AFF4: variants seen among roughly 807,000 people sequenced by gnomAD.
The protein encoded by AFF4 is ALF transcription elongation factor 4.
In AFF4, 13 loss-of-function variants were observed where a neutral mutation model predicts 124.8. The observed-to-expected ratio is 0.10, with a 90% confidence interval of 0.07 to 0.17. AFF4 has a LOEUF of 0.17. AFF4 is among the 10% of genes least tolerant of loss of function. AFF4 has a pLI of 1.00. For missense variants in AFF4, 1,092 were observed against 1,403.8 expected, an observed-to-expected ratio of 0.78 and a Z score of 3.55; for synonymous variants, 477 against 496.1, an observed-to-expected ratio of 0.96 and a Z score of 0.51.
rs1344287947 is a variant in AFF4 at position 132,937,140 on chromosome 5, C to T, written c.50G>A (p.Arg17Gln). The T allele has an allele frequency of 1.9e-6, 3 of 1,614,024 alleles. No individual in the cohort carries two copies. The highest frequency in any genetic ancestry group is 2.2e-5 in the East Asian group (1 of 44,878). The part of the protein sequence containing the change: ...NVLRMKERER[R>Q]NQEIQQGEDA... ...TTCGCCCTGCTGAATTTCCTGATTC[C>T]GCCTTTCCCGTTCTTTCATACGCAG... Residue 17 changes from arginine (R) to glutamine (Q), a missense_variant, in exon 2 of 21, where the codon CGG (arginine) becomes CAG (glutamine). Arg to Gln is a conservative substitution (Grantham distance 43, BLOSUM62 1). Around this residue, in one of 11 missense-constraint regions of AFF4, gnomAD observed 46 missense variants for 49.0 expected, o/e 0.94. Coordinates refer to ENST00000265343, the MANE Select transcript of AFF4 (RefSeq NM_014423.4).
chr5:132,957,841 T>G (rs1761996723), intron 1 of AFF4, among the ~76,000 whole-genome samples: 1 of 152,170 alleles, frequency 6.6e-6, no homozygotes, highest in Non-Finnish European at 1.5e-5. Context: ...ATCTAGATTC[T>G]GAGAAGTATC....
rs2150119344 is a variant in AFF4, at chr5:132,963,442, C to G, written c.-188G>C. On this transcript the variant is annotated 5_prime_UTR_variant, in exon 1 of 21. Coordinates refer to ENST00000265343, the MANE Select transcript of AFF4 (RefSeq NM_014423.4). ...CCTCGACAAACGAAGGCGGCGTCGG[C>G]GGCGGCGGCAGCGATGCGCCTCACA... 1 of 398,362 alleles carries G rather than the reference C, an allele frequency of 2.5e-6. No homozygotes were observed. The highest frequency in any genetic ancestry group is 4.4e-6 in the Non-Finnish European group (1 of 225,914). The allele number at this position is 398,362 out of a possible 1,614,324, so 24.7% of individuals were successfully genotyped here. A position where few individuals can be genotyped will look rare whatever the true frequency, so the allele number is the denominator to read the frequency against.
intron 4 of AFF4, among the ~76,000 whole-genome samples, chr5:132,928,659 A>T (rs1278599544): frequency 6.6e-6 from 1 of 152,196 alleles, no homozygotes; most frequent in Non-Finnish European, 1.5e-5. Flanking sequence ...ATTACCAGAC[A>T]TCTATAAAAT....
chr5:132,911,674 T>TA (rs964658931), intron 5 of AFF4, among the ~76,000 whole-genome samples: 28 of 141,822 alleles, frequency 2.0e-4, no homozygotes, highest in South Asian at 4.4e-4. Context: ...GAGAAGAGGG[T>TA]AAAAAAAAAA....
chr5:132,887,829 C>A lies in AFF4; in HGVS notation c.2933+17G>T. Reference sequence around the variant, plus strand: ...AATAATGTTATTGCCAATGATCTGCCAAGTTTTTCCACTTACTTGATGAGA... The same window carrying A: ...AATAATGTTATTGCCAATGATCTGCAAAGTTTTTCCACTTACTTGATGAGA... On this transcript the variant is annotated intron_variant, in intron 16 of 20. Coordinates refer to ENST00000265343, the MANE Select transcript of AFF4 (RefSeq NM_014423.4). 6.2e-7 allele frequency: 1 copy of A among 1,611,090 alleles called. No homozygotes were observed. Among genetic ancestry groups the A allele is most frequent in the Non-Finnish European group, 8.5e-7 (1 of 1,179,010 alleles).
intron 4 of AFF4, among the ~76,000 whole-genome samples, chr5:132,930,375 T>C (rs1761270869): frequency 1.3e-5 from 2 of 151,890 alleles, no homozygotes; most frequent in Non-Finnish European, 2.9e-5. Context: ...ATAAAAACAA[T>C]GAAGCATAAA....
intron 1 of AFF4, among the ~76,000 whole-genome samples, chr5:132,957,356 T>C (rs55928219): frequency 2.0e-3 from 297 of 151,614 alleles, no homozygotes; most frequent in Middle Eastern, 6.8e-3. Flanking sequence ...TAATAATTAT[T>C]ATTATTATTT....
chr5:132,889,961 A>G (rs1193713496), intron 13 of AFF4, among the ~76,000 whole-genome samples: 1 of 152,054 alleles, frequency 6.6e-6, no homozygotes. Context: ...TCCTATCAAT[A>G]TAGCCCTTTA....
At chr5:132,913,721 C>T (rs574996168) in intron 5 of AFF4, among the ~76,000 whole-genome samples, 37 of 152,130 alleles carry the variant, frequency 2.4e-4, no homozygotes, top group Non-Finnish European at 4.1e-4. Context: ...GGATTACAAG[C>T]GTGTGCCACC....
Position 132,898,243 on chromosome 5 carries a change from C to G in AFF4, c.1376G>C (p.Ser459Thr). ...SDSEANEPSQ[S>T]ASPEPEPPPT... is the part of the protein sequence containing the mutation. ...CCTCTGTCTCACCTCGGGAGATGCA[C>G]TCTGGGATGGCTCATTTGCCTCACT... The change falls in exon 10 of 21, where the codon AGT (serine) becomes ACT (threonine). Residue 459 changes from serine to threonine, a missense_variant. By Grantham distance (58) the Ser-to-Thr change is moderately conservative. This residue lies in a region of AFF4 where 18 missense variants were observed against 16.7 expected (regional missense o/e 1.08). Transcript: ENST00000265343. 6 of 1,614,158 alleles carry G rather than the reference C, an allele frequency of 3.7e-6. No homozygotes were observed. The South Asian group carries it at 6.6e-5, about 18-fold the overall frequency.
Position 132,902,474 on chromosome 5 carries a change from A to C in AFF4, c.1101T>G (p.Pro367=). ...FGTGEQKRYN[P]SKTSNGHQSK... is the part of the protein sequence containing the mutation. ...ACTGGTGCCCATTTGAAGTTTTAGA[A>C]GGATTATATCTTTCTGGAACAAAAA... Residue 367 remains proline, a synonymous_variant, in exon 7 of 21, where the codon CCT becomes CCG. Transcript: ENST00000265343. The C allele has an allele frequency of 1.2e-6, 2 of 1,608,540 alleles. No individual in the cohort carries two copies. Among genetic ancestry groups the C allele is most frequent in the Non-Finnish European group, 1.7e-6 (2 of 1,175,148 alleles).
chr5:132,936,902 G>C (rs950187827), intron 2 of AFF4, among the ~76,000 whole-genome samples, 165 bp downstream of exon 2: 1 of 152,116 alleles, frequency 6.6e-6, no homozygotes, highest in Non-Finnish European at 1.5e-5. Flanking sequence ...ATACTCCAAA[G>C]AAAAGTTTAT....
At chr5:132,950,721 A>T (rs1353503130) in intron 1 of AFF4, among the ~76,000 whole-genome samples, 1 of 152,194 alleles carries the variant, frequency 6.6e-6, no homozygotes. Context: ...CAACTTTCAA[A>T]CTATCAGCGT....
At chr5:132,916,171 G>A (rs762410501) in intron 5 of AFF4, among the ~76,000 whole-genome samples, 13 of 149,070 alleles carry the variant, frequency 8.7e-5, no homozygotes, top group East Asian at 3.9e-4. Flanking sequence ...CTTGGGAAGC[G>A]GAGGTTGCAA....
At chr5:132,949,335 T>A (rs1225467700) in intron 1 of AFF4, among the ~76,000 whole-genome samples, 7 of 148,702 alleles carry the variant, frequency 4.7e-5, no homozygotes, top group Non-Finnish European at 1.0e-4. Context: ...GCATAAGCCA[T>A]CATACCTGGC....
intron 11 of AFF4, among the ~76,000 whole-genome samples, chr5:132,895,318 T>G (rs745367374): frequency 7.2e-5 from 11 of 152,258 alleles, no homozygotes; most frequent in Non-Finnish European, 1.2e-4. Context: ...TCATGTATTA[T>G]TCTAATTTGT....
At chr5:132,931,922 C>A (rs570702462) in intron 4 of AFF4, among the ~76,000 whole-genome samples, 1 of 151,766 alleles carries the variant, frequency 6.6e-6, no homozygotes, top group Non-Finnish European at 1.5e-5. Flanking sequence ...CCAGGCTGGG[C>A]GACAGAGTGA....
At chr5:132,921,826 G>A (rs1458691925) in intron 5 of AFF4, among the ~76,000 whole-genome samples, 2 of 152,030 alleles carry the variant, frequency 1.3e-5, no homozygotes, top group African/African-American at 4.8e-5. Flanking sequence ...TGTGACCCAG[G>A]CTAGAGAGCA....
rs1759958992 is a variant in AFF4, at chr5:132,880,840, G to A, written c.*219C>T. The A allele has an allele frequency of 2.4e-6, 1 of 420,470 alleles. No homozygotes were observed. The highest frequency in any genetic ancestry group is 3.9e-5 in the East Asian group (1 of 25,398). The allele number at this position is 420,470 out of a possible 1,614,324, so 26.0% of individuals were successfully genotyped here. ...ACGGAAACCATCTTATCAATGTGCT[G>A]CAGATTTAAAAGCATTTAAATAATC... On this transcript the variant is annotated 3_prime_UTR_variant, in exon 21 of 21. Coordinates refer to ENST00000265343, the MANE Select transcript of AFF4 (RefSeq NM_014423.4).
Sources: gnomAD v4.1 joint callset for allele counts (sites outside exome capture counted in the v4.1 genomes callset) on GRCh38, gnomAD v4.1.1 for gene constraint, gnomAD v4.1.1 regional missense constraint, MANE v1.5 for transcripts, NCBI Gene and HGNC (gene_info 2026-07-23, HGNC 2026-07-21) for gene names.